The following CAMK2D variants were observed in gnomAD, a reference collection of about 807,000 sequenced individuals.
CAMK2D encodes calcium/calmodulin-dependent protein kinase type II subunit delta.
Under a neutral mutation model 84.0 loss-of-function variants are expected in CAMK2D, and 37 were observed. The ratio of observed to expected loss-of-function variants is 0.44; its 90% CI spans 0.34 to 0.58. CAMK2D has a LOEUF of 0.58. Among genes scored for constraint, CAMK2D ranks in the 20% least tolerant of loss-of-function variants. The probability of loss-of-function intolerance (pLI) is 0.02; values close to 1 mark genes in which losing one functional copy is unlikely to be tolerated. For synonymous variants in CAMK2D, 202 were observed against 212.5 expected, an observed-to-expected ratio of 0.95 and a Z score of 0.43; for missense variants, 448 against 652.5, an observed-to-expected ratio of 0.69 and a Z score of 3.41.
At chr4:113,687,082 C>T (rs1315784564) in intron 2 of CAMK2D, among the ~76,000 whole-genome samples, 2 of 152,152 alleles carry the variant, frequency 1.3e-5, no homozygotes, top group Admixed American at 6.5e-5. Flanking sequence ...GCCATGAGCA[C>T]ATGCATTCTC....
intron 2 of CAMK2D, among the ~76,000 whole-genome samples, chr4:113,739,025 T>C (rs2099587230): frequency 6.6e-6 from 1 of 152,178 alleles, no homozygotes; most frequent in Non-Finnish European, 1.5e-5. Context: ...TCTTTTCCAT[T>C]CCTTACTGTT....
At position 113,504,938 on chromosome 4, in the gene CAMK2D, A is replaced by G. The variant is rs538448636; in HGVS notation, c.1044+38T>C. On this transcript the variant is annotated intron_variant, in intron 14 of 20. Coordinates refer to ENST00000511664, the MANE Select transcript of CAMK2D (RefSeq NM_001321571.2). ...AGAAACCACAAAAAAAAAAAAATGT[A>G]AAGAACTTAAGAAGGGTTACAAAGA... The G allele has an allele frequency of 4.3e-4, 539 of 1,239,500 alleles. 6 individuals carry two copies. The Middle Eastern group carries it at 7.1e-3, about 16-fold the overall frequency. The allele number at this position is 1,239,500 out of a possible 1,614,324, so 76.8% of individuals were successfully genotyped here. A position where few individuals can be genotyped will look rare whatever the true frequency, so the allele number is the denominator to read the frequency against.
intron 3 of CAMK2D, among the ~76,000 whole-genome samples, chr4:113,645,216 C>A (rs1029091821): frequency 1.1e-4 from 17 of 152,194 alleles, no homozygotes; most frequent in Non-Finnish European, 1.9e-4. Context: ...CAGGGTTTCA[C>A]CATGTTAGCC....
chr4:113,499,748 T>C (rs922437735), intron 16 of CAMK2D, among the ~76,000 whole-genome samples: 8 of 152,196 alleles, frequency 5.3e-5, no homozygotes, highest in African/African-American at 1.9e-4. Context: ...TGTAGTTATA[T>C]ATAATGAATT....
intron 16 of CAMK2D, among the ~76,000 whole-genome samples, chr4:113,485,501 A>G (rs1222515800): frequency 6.6e-6 from 1 of 152,170 alleles, no homozygotes; most frequent in African/African-American, 2.4e-5. Flanking sequence ...ACATAAACAA[A>G]ACAAAACTCA....
At chr4:113,670,786 G>A (rs563591071) in intron 2 of CAMK2D, among the ~76,000 whole-genome samples, 95 of 152,086 alleles carry the variant, frequency 6.2e-4, no homozygotes, top group Non-Finnish European at 1.2e-3. Flanking sequence ...AAATTAGCCG[G>A]GCACAGTGGT....
intron 3 of CAMK2D, among the ~76,000 whole-genome samples, chr4:113,613,824 A>T (rs2099010559): frequency 6.6e-6 from 1 of 152,074 alleles, no homozygotes; most frequent in African/African-American, 2.4e-5. Flanking sequence ...CCAAAAATTA[A>T]CTTTCACATC....
chr4:113,606,732 A>G (rs1280272490), intron 4 of CAMK2D, among the ~76,000 whole-genome samples: 1 of 152,190 alleles, frequency 6.6e-6, no homozygotes, highest in Non-Finnish European at 1.5e-5. Flanking sequence ...ACAATGTCCA[A>G]AAGTTTCCCA....
chr4:113,579,446 G>A (rs1021827408), intron 4 of CAMK2D, among the ~76,000 whole-genome samples: 2 of 152,192 alleles, frequency 1.3e-5, no homozygotes, highest in Non-Finnish European at 2.9e-5. Flanking sequence ...TTTGGGTCAT[G>A]GGGGTGGATC....
At chr4:113,486,449 A>G (rs2097766588) in intron 16 of CAMK2D, among the ~76,000 whole-genome samples, 1 of 152,124 alleles carries the variant, frequency 6.6e-6, no homozygotes, top group South Asian at 2.1e-4. Flanking sequence ...CTTACCTCAG[A>G]ACTATTAAGA....
intron 5 of CAMK2D, among the ~76,000 whole-genome samples, chr4:113,549,749 AT>A (rs2098610013): frequency 6.6e-6 from 1 of 152,236 alleles, no homozygotes; most frequent in Admixed American, 6.5e-5. Context: ...CACTTAATGT[AT>A]AAAATAATAT....
intron 4 of CAMK2D, among the ~76,000 whole-genome samples, chr4:113,553,653 G>A (rs1055258254): frequency 3.9e-5 from 6 of 152,020 alleles, no homozygotes; most frequent in East Asian, 1.9e-4. Context: ...TTTAACGTCC[G>A]TCATTATTTC....
chr4:113,551,886 G>C (rs141454892), intron 5 of CAMK2D, 145 bp downstream of exon 5: 14 of 436,574 alleles, frequency 3.2e-5, no homozygotes, highest in East Asian at 2.8e-4. Flanking sequence ...ATATAGACCA[G>C]ATTCATGGAG....
In CAMK2D at chr4:113,452,417, C is replaced by G. The variant is rs890881098; in HGVS notation, c.*2128G>C. ...GAAGAAATAAAGATGGACGCACTGT[C>G]AGCAGAAATCACAAATTTATTAACT... is the stretch of plus-strand genomic sequence containing the variant. On this transcript the variant is annotated 3_prime_UTR_variant, in exon 21 of 21. Transcript: ENST00000511664. 2.0e-5 allele frequency: 3 copies of G among 152,448 alleles called. No homozygotes were observed. Among genetic ancestry groups the G allele is most frequent in the African/African-American group, 7.2e-5 (3 of 41,440 alleles). 9.4% of individuals were successfully genotyped at this position (152,448 alleles called of 1,614,324 possible).
At chr4:113,462,318 G>A (rs758126895) in intron 17 of CAMK2D, among the ~76,000 whole-genome samples, 8,275 of 111,848 alleles carry the variant, frequency 0.074, 361 homozygotes, top group Non-Finnish European at 0.099. Context: ...CTGTCTGTCT[G>A]TCTGTCTGTC....
At chr4:113,500,990 A>G (rs2098033230) in intron 15 of CAMK2D, among the ~76,000 whole-genome samples, 1 of 152,110 alleles carries the variant, frequency 6.6e-6, no homozygotes, top group Admixed American at 6.6e-5. Context: ...ACACCTTTAT[A>G]GGGAGAGAAA....
chr4:113,725,873 T>C (rs2099544303), intron 2 of CAMK2D, among the ~76,000 whole-genome samples: 1 of 152,170 alleles, frequency 6.6e-6, no homozygotes, highest in African/African-American at 2.4e-5. Context: ...AAGTAAATCA[T>C]ACCATATACA....
At chr4:113,690,076 T>A (rs1029442387) in intron 2 of CAMK2D, among the ~76,000 whole-genome samples, 2 of 151,822 alleles carry the variant, frequency 1.3e-5, no homozygotes, top group Non-Finnish European at 2.9e-5. Context: ...AATGACAAAA[T>A]GAAGCCAGAT....
intron 2 of CAMK2D, among the ~76,000 whole-genome samples, chr4:113,721,839 G>A (rs1489899687): frequency 6.6e-6 from 1 of 152,074 alleles, no homozygotes; most frequent in Non-Finnish European, 1.5e-5. Context: ...CACTTGTACT[G>A]GTGCAGTCAA....
Sources: allele counts gnomAD v4.1 joint callset (sites outside exome capture counted in the v4.1 genomes callset), GRCh38; gene constraint gnomAD v4.1.1; transcripts MANE v1.5; gene names NCBI Gene and HGNC (gene_info 2026-07-23, HGNC 2026-07-21).